PGAP4: variants seen among roughly 807,000 people sequenced by gnomAD.
PGAP4 encodes the protein GPI-N-acetylgalactosamine transferase PGAP4.
A neutral mutation model predicts 28.2 loss-of-function variants in PGAP4; 12 were observed. That is an observed-to-expected ratio of 0.42 (90% CI 0.27 to 0.69). The LOEUF (loss-of-function observed/expected upper bound fraction) is 0.69. Among genes scored for constraint, PGAP4 ranks in the 30% least tolerant of loss-of-function variants. The probability of loss-of-function intolerance (pLI) is 0.22; values close to 1 mark genes in which losing one functional copy is unlikely to be tolerated. For missense variants in PGAP4, 425 were observed against 513.5 expected (o/e 0.83, Z 1.67); for synonymous variants, 205 against 211.8 (o/e 0.97, Z 0.28).
chr9:101,485,047 G>A (rs894374535), intron 1 of PGAP4, among the ~76,000 whole-genome samples: 10 of 152,028 alleles, frequency 6.6e-5, no homozygotes, highest in African/African-American at 2.4e-4. Context: ...TGACAGTCAG[G>A]GCACCTGTTA....
intron 1 of PGAP4, among the ~76,000 whole-genome samples, chr9:101,483,576 A>C (rs1156679675): frequency 6.6e-6 from 1 of 152,166 alleles, no homozygotes; most frequent in African/African-American, 2.4e-5. Flanking sequence ...ATAGACTCAA[A>C]ACATGGTTGG....
chr9:101,492,689 T>C (rs1826701814), intron 2 of PGAP4, among the ~76,000 whole-genome samples: 1 of 152,134 alleles, frequency 6.6e-6, no homozygotes, highest in Non-Finnish European at 1.5e-5. Flanking sequence ...ACTATCTCTG[T>C]TGGTTTTTCT....
intron 2 of PGAP4, among the ~76,000 whole-genome samples, chr9:101,503,016 A>C (rs962382980): frequency 2.6e-5 from 4 of 152,098 alleles, no homozygotes; most frequent in African/African-American, 9.7e-5. Context: ...TCCAGTAGCA[A>C]ATACTCCTTT....
chr9:101,513,802 A>G (rs1427560055), intron 2 of PGAP4, among the ~76,000 whole-genome samples: 1 of 152,062 alleles, frequency 6.6e-6, no homozygotes, highest in Non-Finnish European at 1.5e-5. Context: ...GGATGGCAAT[A>G]TTGTGGCTCA....
intron 2 of PGAP4, among the ~76,000 whole-genome samples, chr9:101,530,327 G>T (rs936193088): frequency 2.6e-5 from 4 of 152,094 alleles, no homozygotes; most frequent in Admixed American, 2.6e-4. Flanking sequence ...AGTTAATGAA[G>T]ACCGGCTGGA....
intron 2 of PGAP4, among the ~76,000 whole-genome samples, chr9:101,527,629 T>C (rs1827046715): frequency 1.3e-5 from 2 of 152,194 alleles, no homozygotes; most frequent in East Asian, 1.9e-4. Flanking sequence ...AATTTTCTCA[T>C]GGGCCACTTA....
At chr9:101,481,855 A>C (rs995834193) in intron 1 of PGAP4, among the ~76,000 whole-genome samples, 4 of 151,968 alleles carry the variant, frequency 2.6e-5, no homozygotes, top group Admixed American at 6.6e-5. Context: ...CTAACTTCTC[A>C]CCTCCACGCA....
At chr9:101,484,490 T>C (rs1826568513) in intron 1 of PGAP4, among the ~76,000 whole-genome samples, 1 of 152,188 alleles carries the variant, frequency 6.6e-6, no homozygotes, top group South Asian at 2.1e-4. Flanking sequence ...CCAGCCAAAA[T>C]TCGTGTTATA....
At chr9:101,509,301 C>A (rs1826875855) in intron 2 of PGAP4, among the ~76,000 whole-genome samples, 1 of 152,142 alleles carries the variant, frequency 6.6e-6, no homozygotes, top group Non-Finnish European at 1.5e-5. Context: ...TCACTAGTGG[C>A]CCCCATAATT....
chr9:101,491,170 A>G (rs1826685172), upstream of PGAP4, among the ~76,000 whole-genome samples: 1 of 152,204 alleles, frequency 6.6e-6, no homozygotes, highest in Non-Finnish European at 1.5e-5. Context: ...TGGTAGAGCA[A>G]GGCAATGGTA....
At chr9:101,523,803 A>T (rs1827009701) in intron 2 of PGAP4, among the ~76,000 whole-genome samples, 1 of 151,568 alleles carries the variant, frequency 6.6e-6, no homozygotes, top group African/African-American at 2.4e-5. Flanking sequence ...GGGGGTGTTG[A>T]AGAGCCTTGT....
At chr9:101,516,132 A>G (rs547431949) in intron 2 of PGAP4, among the ~76,000 whole-genome samples, 1 of 152,256 alleles carries the variant, frequency 6.6e-6, no homozygotes, top group South Asian at 2.1e-4. Context: ...CTTCATATAA[A>G]TTATGGTGTA....
rs1245170432 is a variant in PGAP4, at chr9:101,523,619, C to CATTTTTTTTTTTTTTTT, written c.-165+7728_-165+7729insAAAAAAAAAAAAAAAAT. Among the ~76,000 whole-genome samples, 80 of 59,350 alleles carry CATTTTTTTTTTTTTTTT rather than the reference C, an allele frequency of 1.3e-3. 7 individuals are homozygous for CATTTTTTTTTTTTTTTT. The highest frequency in any genetic ancestry group is 1.8e-3 in the African/African-American group (25 of 14,128). The allele number at this position is 59,350 out of a possible 152,430, so 38.9% of individuals were successfully genotyped here. On this transcript the variant is annotated intron_variant, in intron 2 of 3. Transcript: ENST00000374851. ...ACATTTCTCCCCTCACTTCTTGTATCTTTTTTTTTTTTTTTTTTTTTTTTT... is the reference window on the plus strand; with the variant it reads ...ACATTTCTCCCCTCACTTCTTGTATCATTTTTTTTTTTTTTTTTTTTTTTTTTTTTTTTTTTTTTTTT...
At chr9:101,493,921 T>C (rs1162368801) in intron 2 of PGAP4, among the ~76,000 whole-genome samples, 4 of 152,066 alleles carry the variant, frequency 2.6e-5, no homozygotes, top group Non-Finnish European at 4.4e-5. Context: ...TATAGGTATA[T>C]AACAAGATCT....
chr9:101,518,971 A>G (rs1428738840), intron 2 of PGAP4, among the ~76,000 whole-genome samples: 1 of 152,096 alleles, frequency 6.6e-6, no homozygotes, highest in Non-Finnish European at 1.5e-5. Context: ...CCACGTCAAC[A>G]TCTACTGTTT....
chr9:101,504,296 C>CA (rs1321882466), intron 2 of PGAP4, among the ~76,000 whole-genome samples: 2 of 125,950 alleles, frequency 1.6e-5, no homozygotes, highest in Non-Finnish European at 3.2e-5. Flanking sequence ...ATCTACCTTA[C>CA]AAAAAAACCA....
rs1826625447 is a variant in PGAP4 at position 101,486,759 on chromosome 9, G to T, written c.-78+190C>A. 6.6e-6 allele frequency among the ~76,000 whole-genome samples: 1 copy of T among 152,160 alleles called. No homozygotes were observed. Among genetic ancestry groups the T allele is most frequent in the African/African-American group, 2.4e-5 (1 of 41,458 alleles). ...AGCGGTCGGAGCTGCGGGCAGGGCC[G>T]CTAGGCAACCCGCCTGCCCGAGGCG... On this transcript the variant is annotated intron_variant, in intron 1 of 1. Coordinates refer to ENST00000374848, the MANE Select transcript of PGAP4 (RefSeq NM_032342.3). This position sits in a 1 kb window ranked among gnomAD's most constrained non-coding sequence, Gnocchi z 4.7.
At position 101,476,112 on chromosome 9, in the gene PGAP4, A is replaced by G. The variant is rs757024450; in HGVS notation, c.981T>C (p.Val327=). Residue 327 remains valine, a synonymous_variant, in exon 2 of 2, where the codon GTT becomes GTC. Coordinates refer to ENST00000374848, the MANE Select transcript of PGAP4 (RefSeq NM_032342.3). The surrounding 1 kb of genome is among the most constrained non-coding windows in gnomAD (Gnocchi z 7.0). Reference sequence around the variant, plus strand: ...CTGGGGTGCAACACTGAGAGGCAGGAACCACACTGTACAGGGAAGGACTCA... The same window carrying G: ...CTGGGGTGCAACACTGAGAGGCAGGGACCACACTGTACAGGGAAGGACTCA... ...RRLSPSLYSV[V]PASQCCTPAM... The G allele has an allele frequency of 3.7e-6, 6 of 1,613,948 alleles. No individual in the cohort carries two copies. The East Asian group carries it at 1.1e-4, about 30-fold the overall frequency.
intron 2 of PGAP4, among the ~76,000 whole-genome samples, chr9:101,494,428 A>G (rs980069137): frequency 2.0e-5 from 3 of 151,908 alleles, no homozygotes; most frequent in Admixed American, 6.6e-5. Context: ...ATGAGAGAAA[A>G]TTTTCTTAAA....
Sources: allele counts gnomAD v4.1 joint callset (sites outside exome capture counted in the v4.1 genomes callset), GRCh38; gene constraint gnomAD v4.1.1; non-coding constraint Gnocchi (gnomAD v3.1); transcripts MANE v1.5; gene names NCBI Gene and HGNC (gene_info 2026-07-23, HGNC 2026-07-21).